The following CNKSR3 variants were observed in gnomAD, a reference collection of about 807,000 sequenced individuals.
CNKSR3 encodes the protein connector enhancer of kinase suppressor of ras 3.
CNKSR3 carries 36 observed loss-of-function variants against 67.7 expected under a neutral mutation model. That is an observed-to-expected ratio of 0.53 (90% CI 0.41 to 0.70). The LOEUF is 0.70. CNKSR3 is among the 30% of genes least tolerant of loss of function. CNKSR3 has a pLI of 0.00. For missense variants in CNKSR3, 630 were observed against 695.2 expected (o/e 0.91, Z 1.05); for synonymous variants, 281 against 271.4 (o/e 1.04, Z -0.35).
At chr6:154,488,492 A>T (rs1786722239) in intron 1 of CNKSR3, among the ~76,000 whole-genome samples, 1 of 152,250 alleles carries the variant, frequency 6.6e-6, no homozygotes. Flanking sequence ...AACATTACAT[A>T]TCAAGTTAAA....
chr6:154,476,393 G>A (rs1400405849), intron 1 of CNKSR3, among the ~76,000 whole-genome samples: 1 of 151,106 alleles, frequency 6.6e-6, no homozygotes, highest in Admixed American at 6.6e-5. Context: ...GGAGGCGGAG[G>A]TTGCGGTGAG....
Position 154,428,164 on chromosome 6 carries a change from A to T in CNKSR3, c.693T>A (p.Tyr231Ter). The T allele has an allele frequency of 6.2e-7, 1 of 1,610,646 alleles. No homozygotes were observed. Among genetic ancestry groups the T allele is most frequent in the East Asian group, 2.2e-5 (1 of 44,852 alleles). The change falls in exon 7 of 13, where the codon TAT (tyrosine) becomes TAA (stop). Residue 231 changes from tyrosine to a stop codon, truncating the protein, a stop_gained. Transcript: ENST00000607772. LOFTEE classifies it high-confidence loss of function. ...TTCCAGTAATCACGTGTAACCCATC[A>T]TAGGTTGATTTGATGTACATGCCCT... The part of the protein sequence containing the change: ...EGLGMYIKST[Y>*]DGLHVITGTT...
intron 7 of CNKSR3, among the ~76,000 whole-genome samples, chr6:154,423,956 G>A (rs1459422394): frequency 6.6e-6 from 1 of 152,060 alleles, no homozygotes; most frequent in Non-Finnish European, 1.5e-5. Flanking sequence ...GGATAGGCCG[G>A]GCGCGGTGCC....
chr6:154,441,807 C>G (rs568938575), intron 3 of CNKSR3, among the ~76,000 whole-genome samples: 3 of 151,818 alleles, frequency 2.0e-5, no homozygotes, highest in Non-Finnish European at 4.4e-5. Flanking sequence ...GCTTTCATAC[C>G]AATCAAATCC....
chr6:154,407,197 T>A (rs1784813946), intron 12 of CNKSR3, among the ~76,000 whole-genome samples: 1 of 152,142 alleles, frequency 6.6e-6, no homozygotes, highest in Non-Finnish European at 1.5e-5. Flanking sequence ...ACGGGTCTCC[T>A]TTAGTGGGTG....
In CNKSR3 at chr6:154,406,135, C is replaced by T; in HGVS notation, c.*219G>A. The T allele has an allele frequency of 1.8e-6, 1 of 556,650 alleles. No individual in the cohort carries two copies. Among genetic ancestry groups the T allele is most frequent in the South Asian group, 2.3e-5 (1 of 43,594 alleles). 34.5% of individuals were successfully genotyped at this position (556,650 alleles called of 1,614,324 possible). A position where few individuals can be genotyped will look rare whatever the true frequency, so the allele number is the denominator to read the frequency against. On this transcript the variant is annotated 3_prime_UTR_variant, in exon 13 of 13. Transcript: ENST00000607772. ...AAGACAAACAGGCTCTACCCATTTC[C>T]CTCCTTTTGTCTCCACAAGCCAGCA... is the stretch of plus-strand genomic sequence containing the variant.
chr6:154,467,412 G>A (rs1425747034), intron 1 of CNKSR3, among the ~76,000 whole-genome samples: 2 of 152,188 alleles, frequency 1.3e-5, no homozygotes, highest in African/African-American at 4.8e-5. Flanking sequence ...ACTCCCTCAT[G>A]GAGGGCTTAC....
intron 7 of CNKSR3, among the ~76,000 whole-genome samples, chr6:154,427,683 G>C (rs1470784894): frequency 6.6e-6 from 1 of 152,112 alleles, no homozygotes; most frequent in Admixed American, 6.5e-5. Flanking sequence ...CAAATATTAT[G>C]AAACACAACT....
At chr6:154,482,053 T>C (rs1226332515) in intron 1 of CNKSR3, among the ~76,000 whole-genome samples, 1 of 152,342 alleles carries the variant, frequency 6.6e-6, no homozygotes, top group African/African-American at 2.4e-5. Context: ...TGTGTCCTAC[T>C]TCTCGGCACT....
In CNKSR3 at chr6:154,489,364, C is replaced by T. The variant is rs1407558838; in HGVS notation, c.52+20699G>A. 2.0e-5 allele frequency among the ~76,000 whole-genome samples: 3 copies of T among 152,088 alleles called. No individual in the cohort carries two copies. The East Asian group carries it at 5.8e-4, about 29-fold the overall frequency. ...TTGGTAACACGGTGAAACCACATCT[C>T]GACTAAAAATACAAAAATTAGCCTG... On this transcript the variant is annotated intron_variant, in intron 1 of 12. Coordinates refer to ENST00000607772, the MANE Select transcript of CNKSR3 (RefSeq NM_173515.4).
rs200698504 is a variant in CNKSR3 at position 154,442,271 on chromosome 6, T to C, written c.236A>G (p.Asp79Gly). ...LCALNYGLET[D>G]NMKNLVLKLR... ...TTTCAGAACCAAGTTCTTCATGTTA[T>C]CAGTTTCGAGGCCATAATTCTGTGG... The change falls in exon 3 of 13, where the codon GAT (aspartate) becomes GGT (glycine). Residue 79 changes from aspartate (D) to glycine (G), a missense_variant. Physicochemically the swap from Asp to Gly is moderately conservative, Grantham distance 94 (BLOSUM62 -1). Transcript: ENST00000607772. The C allele has an allele frequency of 1.2e-6, 2 of 1,613,810 alleles. No homozygotes were observed. The highest frequency in any genetic ancestry group is 2.7e-5 in the African/African-American group (2 of 75,032).
intron 1 of CNKSR3, among the ~76,000 whole-genome samples, chr6:154,455,352 T>G (rs1345111027): frequency 6.6e-6 from 1 of 152,160 alleles, no homozygotes; most frequent in Non-Finnish European, 1.5e-5. Flanking sequence ...CTTCCTCCAC[T>G]GGTGTGGAGA....
intron 9 of CNKSR3, 57 bp from the exon 10 acceptor site, chr6:154,414,480 T>C (rs1014640078): frequency 5.8e-6 from 9 of 1,544,430 alleles, no homozygotes; most frequent in African/African-American, 1.4e-5. Context: ...GAGATGATTC[T>C]TGGTGTTTAT....
intron 1 of CNKSR3, among the ~76,000 whole-genome samples, chr6:154,508,109 C>T (rs1000889257): frequency 6.6e-6 from 1 of 152,150 alleles, no homozygotes; most frequent in Non-Finnish European, 1.5e-5. Flanking sequence ...AGATGTAACC[C>T]TTTCTTTCTG....
intron 1 of CNKSR3, among the ~76,000 whole-genome samples, chr6:154,502,795 T>G (rs925765366): frequency 5.3e-5 from 8 of 152,064 alleles, no homozygotes; most frequent in African/African-American, 1.7e-4. Flanking sequence ...ACATAATGGG[T>G]AAGCCAGTGA....
intron 3 of CNKSR3, 29 bp downstream of exon 3, chr6:154,442,059 G>C: frequency 6.4e-7 from 1 of 1,566,950 alleles, no homozygotes; most frequent in Non-Finnish European, 8.7e-7. Context: ...TACTCTTGCA[G>C]GGCAGTAAAA....
rs1784784642 is a variant in CNKSR3 at position 154,406,215 on chromosome 6, A to C, written c.*139T>G. ...AATCCTGCAAACTTCCAAGAAGGGCAGTAGATAACTTTTCAAAAGAAAAAG... is the reference window on the plus strand; with the variant it reads ...AATCCTGCAAACTTCCAAGAAGGGCCGTAGATAACTTTTCAAAAGAAAAAG... On this transcript the variant is annotated 3_prime_UTR_variant, in exon 13 of 13. Transcript: ENST00000607772. The C allele has an allele frequency of 4.0e-6, 3 of 744,994 alleles. No homozygotes were observed. The Admixed American group carries it at 8.7e-5, about 22-fold the overall frequency. 46.1% of individuals were successfully genotyped at this position (744,994 alleles called of 1,614,324 possible).
At chr6:154,420,456 G>A (rs972102102) in intron 9 of CNKSR3, among the ~76,000 whole-genome samples, 5 of 151,916 alleles carry the variant, frequency 3.3e-5, no homozygotes, top group Non-Finnish European at 5.9e-5. Context: ...TTGGGAGGCC[G>A]AGGCGGGCGG....
At chr6:154,501,502 C>A (rs1170753418) in intron 1 of CNKSR3, among the ~76,000 whole-genome samples, 1 of 152,154 alleles carries the variant, frequency 6.6e-6, no homozygotes, top group East Asian at 1.9e-4. Flanking sequence ...CATGACCCCA[C>A]CACAACTTCC....
Sources: allele counts gnomAD v4.1 joint callset (sites outside exome capture counted in the v4.1 genomes callset), GRCh38; gene constraint gnomAD v4.1.1; transcripts MANE v1.5; gene names NCBI Gene and HGNC (gene_info 2026-07-23, HGNC 2026-07-21).